Variants in CAPN8 observed in about 807,000 individuals in gnomAD.
CAPN8 encodes the protein calpain 8.
A neutral mutation model predicts 80.9 loss-of-function variants in CAPN8; 87 were observed. The observed-to-expected ratio is 1.07, with a 90% CI of 0.90 to 1.28. CAPN8 has a LOEUF of 1.28. CAPN8 is among the 50% of genes most tolerant of loss of function. The pLI is 0.00. For synonymous variants in CAPN8, 299 were observed against 273.8 expected (o/e 1.09, Z -0.91); for missense variants, 757 against 702.0 (o/e 1.08, Z -0.89).
chr1:223,618,405 G>T (rs2102703632), intron 9 of CAPN8: 1 of 1,337,350 alleles, frequency 7.5e-7, no homozygotes, highest in Non-Finnish European at 1.0e-6. Flanking sequence ...CAGGGTCTGA[G>T]TCCCCATGAC....
At chr1:223,634,951 G>T (rs1657874549) in intron 2 of CAPN8, among the ~76,000 whole-genome samples, 1 of 152,184 alleles carries the variant, frequency 6.6e-6, no homozygotes, top group South Asian at 2.1e-4. Context: ...ACAGACAGAG[G>T]CATAATACCT....
intron 7 of CAPN8, 97 bp from the exon 8 acceptor site, chr1:223,620,363 C>A: frequency 9.7e-7 from 1 of 1,034,466 alleles, no homozygotes; most frequent in Non-Finnish European, 1.5e-6. Flanking sequence ...GAGCCAGAAA[C>A]AAAATACCAA....
intron 2 of CAPN8, among the ~76,000 whole-genome samples, chr1:223,653,765 T>C (rs916241921): frequency 2.0e-5 from 3 of 152,200 alleles, no homozygotes; most frequent in East Asian, 3.8e-4. Flanking sequence ...CAATGGAGGC[T>C]AGAACTTACA....
intron 12 of CAPN8, among the ~76,000 whole-genome samples, chr1:223,558,735 G>A (rs959900650): frequency 2.6e-5 from 4 of 151,638 alleles, no homozygotes; most frequent in Non-Finnish European, 5.9e-5. Flanking sequence ...TATGATGTGT[G>A]ATGTGTGTGG....
intron 16 of CAPN8, among the ~76,000 whole-genome samples, chr1:223,546,807 T>C (rs1572220089): frequency 6.6e-6 from 1 of 152,324 alleles, no homozygotes; most frequent in East Asian, 1.9e-4. Flanking sequence ...TGGTCTTCAA[T>C]TCCAGATAAA....
At chr1:223,640,038 G>A (rs1658006334) in intron 2 of CAPN8, among the ~76,000 whole-genome samples, 1 of 152,148 alleles carries the variant, frequency 6.6e-6, no homozygotes, top group African/African-American at 2.4e-5. Flanking sequence ...CCCTCCTCCT[G>A]TCAACCTACA....
intron 16 of CAPN8, among the ~76,000 whole-genome samples, chr1:223,545,820 A>AATTT (rs1656605669): frequency 9.0e-6 from 1 of 111,618 alleles, no homozygotes; most frequent in African/African-American, 3.9e-5. Flanking sequence ...TCACTCCACA[A>AATTT]CTTTTTTTTT....
At chr1:223,646,432 C>T (rs1405866556) in intron 2 of CAPN8, among the ~76,000 whole-genome samples, 2 of 152,222 alleles carry the variant, frequency 1.3e-5, no homozygotes, top group African/African-American at 4.8e-5. Context: ...ATGCCCAGAG[C>T]TGCCCTGAAG....
intron 1 of CAPN8, among the ~76,000 whole-genome samples, chr1:223,660,504 C>T (rs1051336394): frequency 1.3e-5 from 2 of 152,232 alleles, no homozygotes; most frequent in African/African-American, 2.4e-5. Flanking sequence ...CTATGCTTGA[C>T]CTTGAGCCCT....
chr1:223,624,419 C>G (rs1657503941), intron 6 of CAPN8, among the ~76,000 whole-genome samples: 1 of 152,058 alleles, frequency 6.6e-6, no homozygotes, highest in Admixed American at 6.5e-5. Flanking sequence ...AATGGTAAAC[C>G]ACTAGCTGGG....
intron 2 of CAPN8, among the ~76,000 whole-genome samples, chr1:223,649,856 T>A (rs1658299109): frequency 6.6e-6 from 1 of 152,182 alleles, no homozygotes; most frequent in African/African-American, 2.4e-5. Context: ...TAAGACAGTC[T>A]CATGGAGCAC....
chr1:223,642,613 C>A (rs942646108), intron 2 of CAPN8: 2 of 364,204 alleles, frequency 5.5e-6, no homozygotes, highest in African/African-American at 4.3e-5. Context: ...AGTTAATGTA[C>A]TTCAAAACAG....
intron 5 of CAPN8, among the ~76,000 whole-genome samples, chr1:223,626,592 G>T (rs954922306): frequency 1.3e-4 from 20 of 151,976 alleles, no homozygotes. Context: ...TTTTCTTCAG[G>T]GATCTCAAGA....
chr1:223,640,921 A>G (rs17483822), intron 2 of CAPN8, among the ~76,000 whole-genome samples: 1 of 151,738 alleles, frequency 6.6e-6, no homozygotes, highest in Non-Finnish European at 1.5e-5. Flanking sequence ...GCTCAATTCG[A>G]TGGATTTCAT....
At chr1:223,616,473 T>C (rs1657192772) in intron 9 of CAPN8, among the ~76,000 whole-genome samples, 1 of 152,194 alleles carries the variant, frequency 6.6e-6, no homozygotes, top group Non-Finnish European at 1.5e-5. Context: ...TGCCTCCAAG[T>C]CTTCCTGGGG....
chr1:223,638,293 G>A (rs1571725456), intron 2 of CAPN8, among the ~76,000 whole-genome samples: 1 of 152,146 alleles, frequency 6.6e-6, no homozygotes, highest in East Asian at 1.9e-4. Flanking sequence ...TTGAGCATCT[G>A]TGGATTTTGG....
intron 9 of CAPN8, chr1:223,618,108 C>T: frequency 2.1e-6 from 2 of 946,168 alleles, no homozygotes; most frequent in African/African-American, 1.6e-5. Context: ...CATGCGCTTA[C>T]AGTCTAAGTC....
At chr1:223,549,067 C>A (rs980541264) in intron 16 of CAPN8, among the ~76,000 whole-genome samples, 8 of 152,084 alleles carry the variant, frequency 5.3e-5, no homozygotes, top group African/African-American at 1.9e-4. Context: ...TTAAATAAGT[C>A]ACCTAAACAC....
chr1:223,558,112 A>C lies in CAPN8; in HGVS notation c.1572+19T>G. ...CTATGCAACAGTGTCAGAGTTTGGC[A>C]TACAAAAAGATTGCATACCTCATAT... On this transcript the variant is annotated intron_variant, in intron 13 of 20. Coordinates refer to ENST00000366872, the MANE Select transcript of CAPN8 (RefSeq NM_001143962.2). The C allele has an allele frequency of 7.5e-6, 3 of 398,642 alleles. No individual in the cohort carries two copies. In the East Asian group the frequency reaches 1.1e-4, roughly 14 times the overall value. 24.7% of individuals were successfully genotyped at this position (398,642 alleles called of 1,614,324 possible).
Sources: gnomAD v4.1 joint callset for allele counts (sites outside exome capture counted in the v4.1 genomes callset) on GRCh38, gnomAD v4.1.1 for gene constraint, MANE v1.5 for transcripts, NCBI Gene and HGNC (gene_info 2026-07-23, HGNC 2026-07-21) for gene names.